The following TRPC4 variants were observed in gnomAD, a reference collection of about 807,000 sequenced individuals.
The protein encoded by TRPC4 is transient receptor potential cation channel subfamily C member 4, also known as short transient receptor potential channel 4.
A neutral mutation model predicts 99.4 loss-of-function variants in TRPC4; 49 were observed. That is an observed-to-expected ratio of 0.49 (90% CI 0.39 to 0.63). The LOEUF (loss-of-function observed/expected upper bound fraction) is 0.63. Among genes scored for constraint, TRPC4 ranks in the 20% least tolerant of loss-of-function variants. The pLI is 0.00. For missense variants in TRPC4, 898 were observed against 1,152.9 expected (o/e 0.78, Z 3.20); for synonymous variants, 454 against 425.9 (o/e 1.07, Z -0.81).
chr13:37,834,290 C>T (rs1345958546), intron 1 of TRPC4, among the ~76,000 whole-genome samples: 4 of 152,134 alleles, frequency 2.6e-5, no homozygotes, highest in Non-Finnish European at 5.9e-5. Flanking sequence ...TGTTTCCTAA[C>T]CTAAATTATG....
At chr13:37,849,577 C>T (rs1033880249) in intron 1 of TRPC4, among the ~76,000 whole-genome samples, 1 of 152,168 alleles carries the variant, frequency 6.6e-6, no homozygotes, top group Non-Finnish European at 1.5e-5. Flanking sequence ...TCTAAATCCA[C>T]GCTAACTTCT....
chr13:37,633,271 A>G lies in TRPC4; in HGVS notation c.*3632T>C, dbSNP rs530980275. On this transcript the variant is annotated 3_prime_UTR_variant, in exon 11 of 11. Transcript: ENST00000379705. ...AGTCAGAATTTCAGATAATACAGAG[A>G]AAGAAAAATATATTGTAAGCATATT... 1.3e-3 allele frequency among the ~76,000 whole-genome samples: 194 copies of G among 152,294 alleles called. No individual in the cohort carries two copies. The highest frequency in any genetic ancestry group is 4.4e-3 in the African/African-American group (184 of 41,574).
intron 2 of TRPC4, among the ~76,000 whole-genome samples, chr13:37,774,299 A>C (rs1956640292): frequency 6.6e-6 from 1 of 151,762 alleles, no homozygotes; most frequent in African/African-American, 2.4e-5. Flanking sequence ...TCTGTAAGTC[A>C]GTTCTCACAT....
intron 5 of TRPC4, among the ~76,000 whole-genome samples, chr13:37,664,229 G>A (rs572349121): frequency 1.3e-5 from 2 of 152,174 alleles, no homozygotes; most frequent in East Asian, 3.9e-4. Flanking sequence ...CATATAAAAA[G>A]CAAAATAAAA....
At chr13:37,648,709 T>C (rs577615066) in intron 8 of TRPC4, among the ~76,000 whole-genome samples, 16 of 152,342 alleles carry the variant, frequency 1.1e-4, no homozygotes, top group Non-Finnish European at 1.8e-4. Context: ...ACTCTGAGAA[T>C]GAATCACTAC....
intron 2 of TRPC4, among the ~76,000 whole-genome samples, chr13:37,754,402 T>A (rs182993809): frequency 6.6e-6 from 1 of 152,282 alleles, no homozygotes; most frequent in East Asian, 1.9e-4. Flanking sequence ...CTAGCATATT[T>A]AAGGACATAA....
chr13:37,703,045 A>C (rs184554536), intron 3 of TRPC4, among the ~76,000 whole-genome samples: 50 of 152,304 alleles, frequency 3.3e-4, no homozygotes, highest in Admixed American at 9.8e-4. Flanking sequence ...CCCTTAGTAA[A>C]GAATTCCAGG....
At chr13:37,782,081 C>A (rs1461722745) in intron 2 of TRPC4, among the ~76,000 whole-genome samples, 1 of 152,052 alleles carries the variant, frequency 6.6e-6, no homozygotes, top group Non-Finnish European at 1.5e-5. Flanking sequence ...TCTGCAGTGT[C>A]TTTGCAGTTA....
chr13:37,637,071 C>G lies in TRPC4; in HGVS notation c.2766G>C (p.Gln922His). 6.2e-7 allele frequency: 1 copy of G among 1,613,790 alleles called. No individual in the cohort carries two copies. The change falls in exon 11 of 11, where the codon CAG becomes CAC. Residue 922 changes from glutamine (Q) to histidine (H), a missense_variant. This residue lies in a region of TRPC4 where 346 missense variants were observed against 351.4 expected (regional missense o/e 0.98). Coordinates refer to ENST00000379705, the MANE Select transcript of TRPC4 (RefSeq NM_016179.4). ...TGAATGGACACACTCTCTTTCCTAC[C>G]TGTAACCCCAGTGTGTCCGTATTCC... is the stretch of plus-strand genomic sequence containing the variant. ...RERNTDTLGL[Q>H]VGKRVCPFKS...
chr13:37,777,478 C>T (rs996540523), intron 2 of TRPC4, among the ~76,000 whole-genome samples: 3 of 151,840 alleles, frequency 2.0e-5, no homozygotes, highest in Non-Finnish European at 2.9e-5. Flanking sequence ...AGAAATCACC[C>T]CATGATTCAA....
intron 4 of TRPC4, among the ~76,000 whole-genome samples, chr13:37,690,612 C>T (rs1035485795): frequency 6.6e-6 from 1 of 152,110 alleles, no homozygotes; most frequent in Non-Finnish European, 1.5e-5. Flanking sequence ...ACCCTTTTTT[C>T]TAATTTAAAC....
intron 1 of TRPC4, among the ~76,000 whole-genome samples, chr13:37,809,839 T>C (rs1036002339): frequency 1.3e-5 from 2 of 152,080 alleles, no homozygotes; most frequent in Non-Finnish European, 2.9e-5. Context: ...GAAGTTAGAC[T>C]CTGAAGGTTC....
rs1959610755 is a variant in TRPC4, at chr13:37,864,522, G to A, written c.-28+5073C>T. ...ATCATTATATAAAAATATGCTAAAAGTTTAGCCAAGTACAATATTATGAAA... is the reference window on the plus strand; with the variant it reads ...ATCATTATATAAAAATATGCTAAAAATTTAGCCAAGTACAATATTATGAAA... On this transcript the variant is annotated intron_variant, in intron 1 of 10. Transcript: ENST00000379705. Among the ~76,000 whole-genome samples, 3 of 151,516 alleles carry A rather than the reference G, an allele frequency of 2.0e-5. No individual in the cohort carries two copies. The South Asian group carries it at 6.2e-4, about 31-fold the overall frequency.
intron 3 of TRPC4, among the ~76,000 whole-genome samples, chr13:37,726,897 A>G (rs1955083693): frequency 6.6e-6 from 1 of 152,158 alleles, no homozygotes; most frequent in Non-Finnish European, 1.5e-5. Flanking sequence ...AGATATAATT[A>G]TTATAAACAT....
intron 1 of TRPC4, among the ~76,000 whole-genome samples, chr13:37,836,204 T>G (rs1441064623): frequency 1.3e-5 from 2 of 152,190 alleles, no homozygotes; most frequent in Non-Finnish European, 2.9e-5. Flanking sequence ...TAAACCTCTT[T>G]CTTTTGTAAA....
intron 5 of TRPC4, among the ~76,000 whole-genome samples, chr13:37,669,622 C>T (rs764019806): frequency 5.9e-5 from 9 of 151,706 alleles, no homozygotes; most frequent in African/African-American, 1.5e-4. Flanking sequence ...GCAAATACTG[C>T]GTTTTTATAT....
chr13:37,855,662 A>G (rs1262595010), intron 1 of TRPC4, among the ~76,000 whole-genome samples: 4 of 151,906 alleles, frequency 2.6e-5, no homozygotes, highest in Non-Finnish European at 5.9e-5. Flanking sequence ...CATTCAAAAA[A>G]TTGAGGTAAT....
At chr13:37,867,445 A>T (rs966745411) in intron 1 of TRPC4, among the ~76,000 whole-genome samples, 3 of 151,748 alleles carry the variant, frequency 2.0e-5, no homozygotes, top group African/African-American at 7.3e-5. Flanking sequence ...CCAAAAATAT[A>T]CACTTAAAAG....
chr13:37,827,775 C>T (rs1281148916), intron 1 of TRPC4, among the ~76,000 whole-genome samples: 3 of 152,222 alleles, frequency 2.0e-5, no homozygotes, highest in Non-Finnish European at 4.4e-5. Flanking sequence ...GCAGGCAGGC[C>T]TCCTTGAGCT....
Sources: allele counts gnomAD v4.1 joint callset (sites outside exome capture counted in the v4.1 genomes callset), GRCh38; gene constraint gnomAD v4.1.1; regional missense constraint gnomAD v4.1.1; transcripts MANE v1.5; gene names NCBI Gene and HGNC (gene_info 2026-07-23, HGNC 2026-07-21).